The following EPHA3 variants were observed in gnomAD, a reference collection of about 807,000 sequenced individuals.
EPHA3 encodes the protein ephrin type-A receptor 3.
EPHA3 carries 42 observed loss-of-function variants against 107.1 expected under a neutral mutation model. The ratio of observed to expected loss-of-function variants is 0.39; its 90% CI spans 0.31 to 0.51. The LOEUF (loss-of-function observed/expected upper bound fraction) is 0.51, where lower values mean the gene tolerates loss of function less well. Ranked by LOEUF, EPHA3 falls within the 20% of genes least tolerant of loss-of-function variation. EPHA3 has a pLI of 0.78. For synonymous variants in EPHA3, 461 were observed against 424.8 expected (o/e 1.09, Z -1.05); for missense variants, 1,183 against 1,211.2 (o/e 0.98, Z 0.35).
At chr3:89,346,711 G>A (rs1332275411) in intron 5 of EPHA3, among the ~76,000 whole-genome samples, 1 of 150,530 alleles carries the variant, frequency 6.6e-6, no homozygotes, top group Admixed American at 6.7e-5. Flanking sequence ...GTCCTGAATG[G>A]TATTGCCTAG....
At chr3:89,215,545 A>G (rs1381771289) in intron 3 of EPHA3, among the ~76,000 whole-genome samples, 4 of 151,902 alleles carry the variant, frequency 2.6e-5, no homozygotes, top group Admixed American at 2.0e-4. Context: ...AATTGCAAAC[A>G]TGTTTAGGAG....
chr3:89,312,349 G>A (rs553724433), intron 3 of EPHA3, among the ~76,000 whole-genome samples: 84 of 148,766 alleles, frequency 5.6e-4, no homozygotes, highest in Non-Finnish European at 8.2e-4. Context: ...GAGTTCATTC[G>A]CAGTTACGCA....
chr3:89,328,089 C>T (rs1262067836), intron 3 of EPHA3, among the ~76,000 whole-genome samples: 1 of 151,760 alleles, frequency 6.6e-6, no homozygotes, highest in Admixed American at 6.6e-5. Context: ...TAGAGTGGGA[C>T]TCCATCTCAA....
chr3:89,404,621 A>G (rs1322679063), intron 7 of EPHA3, among the ~76,000 whole-genome samples: 1 of 152,218 alleles, frequency 6.6e-6, no homozygotes, highest in Non-Finnish European at 1.5e-5. Flanking sequence ...ACTATTAGTC[A>G]TTCACATATT....
chr3:89,218,293 C>A (rs1399734999), intron 3 of EPHA3, among the ~76,000 whole-genome samples: 1 of 112,840 alleles, frequency 8.9e-6, no homozygotes, highest in Non-Finnish European at 1.7e-5. Flanking sequence ...CTCCCCCCTC[C>A]CCCCACCCCA....
At chr3:89,233,369 A>G (rs965140769) in intron 3 of EPHA3, among the ~76,000 whole-genome samples, 1 of 152,114 alleles carries the variant, frequency 6.6e-6, no homozygotes, top group African/African-American at 2.4e-5. Flanking sequence ...TGCCTTTGGC[A>G]TTGAACTAGT....
At chr3:89,261,718 G>A (rs1261161584) in intron 3 of EPHA3, among the ~76,000 whole-genome samples, 3 of 151,900 alleles carry the variant, frequency 2.0e-5, no homozygotes, top group South Asian at 2.1e-4. Flanking sequence ...TATCAGATAC[G>A]CACTCATTTA....
intron 15 of EPHA3, among the ~76,000 whole-genome samples, chr3:89,470,855 T>C (rs893346022): frequency 2.0e-5 from 3 of 152,172 alleles, no homozygotes; most frequent in African/African-American, 7.2e-5. Flanking sequence ...TTTCAGCTTC[T>C]TTATCTATCT....
intron 5 of EPHA3, among the ~76,000 whole-genome samples, chr3:89,376,287 T>C (rs114713765): frequency 0.017 from 2,643 of 151,874 alleles, 71 homozygotes; most frequent in African/African-American, 0.057. Flanking sequence ...AAAGAATACA[T>C]GAATCTAATA....
chr3:89,307,477 G>T (rs73846136), intron 3 of EPHA3, among the ~76,000 whole-genome samples: 4,203 of 152,242 alleles, frequency 0.028, 189 homozygotes, highest in African/African-American at 0.096. Context: ...AAAGTCAAGA[G>T]GCTAACCACA....
chr3:89,393,412 T>C (rs1559678839), intron 5 of EPHA3, among the ~76,000 whole-genome samples: 1 of 152,208 alleles, frequency 6.6e-6, no homozygotes, highest in African/African-American at 2.4e-5. Context: ...AATACAATCC[T>C]CATCGCAATT....
At chr3:89,399,242 A>T (rs1708908506) in intron 6 of EPHA3, 76 bp from the exon 7 acceptor site, 3 of 1,297,114 alleles carry the variant, frequency 2.3e-6, no homozygotes, top group Non-Finnish European at 3.2e-6. Context: ...ATCAGGTTTG[A>T]GTGGTTCACT....
In EPHA3 at chr3:89,481,698, ATAAATT is replaced by A; in HGVS notation, c.*2199_*2204del. ...TTAATATTTTTCTCCTTGACCTCTCATAAATTTACTTTACACAATTCTTACCCTGTA... is the reference window on the plus strand; with the variant it reads ...TTAATATTTTTCTCCTTGACCTCTCATACTTTACACAATTCTTACCCTGTA... On this transcript the variant is annotated 3_prime_UTR_variant, in exon 17 of 17. Transcript: ENST00000336596. 1 of 231,930 alleles carries A rather than the reference ATAAATT, an allele frequency of 4.3e-6. No homozygotes were observed. The highest frequency in any genetic ancestry group is 8.5e-6 in the Non-Finnish European group (1 of 117,024). 14.4% of individuals were successfully genotyped at this position (231,930 alleles called of 1,614,324 possible). A position where few individuals can be genotyped will look rare whatever the true frequency, so the allele number is the denominator to read the frequency against.
intron 2 of EPHA3, among the ~76,000 whole-genome samples, chr3:89,196,779 GT>G (rs926675861): frequency 2.0e-5 from 3 of 151,900 alleles, no homozygotes; most frequent in African/African-American, 7.3e-5. Flanking sequence ...TTTTCCTCTG[GT>G]TTTTGTACTG....
chr3:89,397,328 T>C (rs552198716), intron 6 of EPHA3, among the ~76,000 whole-genome samples: 6 of 152,160 alleles, frequency 3.9e-5, no homozygotes, highest in Non-Finnish European at 7.3e-5. Context: ...TTGTGATCTA[T>C]TTTCAGAAGT....
chr3:89,392,246 C>T (rs1708758663), intron 5 of EPHA3, among the ~76,000 whole-genome samples: 1 of 152,020 alleles, frequency 6.6e-6, no homozygotes, highest in African/African-American at 2.4e-5. Context: ...TCGAGACCAG[C>T]CTTGCCAACA....
intron 3 of EPHA3, among the ~76,000 whole-genome samples, chr3:89,231,697 T>C (rs9837346): frequency 0.49 from 74,991 of 151,942 alleles, 19,641 homozygotes; most frequent in East Asian, 0.69. Flanking sequence ...AGGGAAAAAA[T>C]AATATCCTTT....
At chr3:89,205,654 G>A (rs1325178120) in intron 2 of EPHA3, among the ~76,000 whole-genome samples, 1 of 152,152 alleles carries the variant, frequency 6.6e-6, no homozygotes, top group Non-Finnish European at 1.5e-5. Flanking sequence ...GGTTGAAAAA[G>A]TATTTTGAGC....
intron 3 of EPHA3, among the ~76,000 whole-genome samples, chr3:89,333,354 T>C (rs1422315524): frequency 1.3e-5 from 2 of 152,200 alleles, no homozygotes; most frequent in Non-Finnish European, 2.9e-5. Context: ...TACAAATTGG[T>C]ATTATTTTGG....
Sources: gnomAD v4.1 joint callset for allele counts (sites outside exome capture counted in the v4.1 genomes callset) on GRCh38, gnomAD v4.1.1 for gene constraint, MANE v1.5 for transcripts, NCBI Gene and HGNC (gene_info 2026-07-23, HGNC 2026-07-21) for gene names.